The following FNIP2 variants were observed in gnomAD, a reference collection of about 807,000 sequenced individuals.
FNIP2 encodes the protein folliculin interacting protein 2.
In FNIP2, 32 loss-of-function variants were observed where a neutral mutation model predicts 108.7. The ratio of observed to expected loss-of-function variants is 0.29; its 90% CI spans 0.22 to 0.40. FNIP2 has a LOEUF of 0.40. FNIP2 is among the 10% of genes least tolerant of loss of function. The probability of loss-of-function intolerance (pLI) is 1.00; values close to 1 mark genes in which losing one functional copy is unlikely to be tolerated. For synonymous variants in FNIP2, 480 were observed against 496.7 expected (o/e 0.97, Z 0.45); for missense variants, 1,202 against 1,381.6 (o/e 0.87, Z 2.06).
chr4:158,785,399 A>G (rs1776192402), intron 1 of FNIP2, among the ~76,000 whole-genome samples: 1 of 152,112 alleles, frequency 6.6e-6, no homozygotes, highest in African/African-American at 2.4e-5. Context: ...CTTTTTTAAA[A>G]CATAAATTTG....
At chr4:158,897,432 G>A (rs985085485) in intron 16 of FNIP2, among the ~76,000 whole-genome samples, 1 of 152,204 alleles carries the variant, frequency 6.6e-6, no homozygotes, top group Non-Finnish European at 1.5e-5. Flanking sequence ...TTTCCACAGT[G>A]ATTGAACTAA....
chr4:158,868,935 C>A lies in FNIP2; in HGVS notation c.2299C>A (p.Pro767Thr), dbSNP rs1448915817. 2 of 1,613,928 alleles carry A rather than the reference C, an allele frequency of 1.2e-6. No homozygotes were observed. Among genetic ancestry groups the A allele is most frequent in the Admixed American group, 3.3e-5 (2 of 60,018 alleles). The change falls in exon 13 of 17, where the codon CCT becomes ACT. Residue 767 changes from proline (P) to threonine (T), a missense_variant. This residue lies in a region of FNIP2 where 878 missense variants were observed against 990.3 expected (regional missense o/e 0.89). Coordinates refer to ENST00000264433, the MANE Select transcript of FNIP2 (RefSeq NM_020840.3). The surrounding 1 kb of genome is among the most constrained non-coding windows in gnomAD (Gnocchi z 4.6). Reference protein sequence around the residue: ...VAQDPQVSRSPFKPGFQENVC... With the variant: ...VAQDPQVSRSTFKPGFQENVC... ...TCAGGACCCGCAGGTTTCTAGGAGC[C>A]CTTTTAAACCTGGCTTTCAGGAGAA...
At chr4:158,812,797 T>TC (rs1777351939) in intron 1 of FNIP2, among the ~76,000 whole-genome samples, 1 of 151,580 alleles carries the variant, frequency 6.6e-6, no homozygotes, top group African/African-American at 2.4e-5. Context: ...TGTTGTGTAT[T>TC]CTATAGGTTT....
At chr4:158,822,413 G>C (rs1295113736) in intron 1 of FNIP2, among the ~76,000 whole-genome samples, 2 of 152,066 alleles carry the variant, frequency 1.3e-5, no homozygotes, top group South Asian at 4.2e-4. Context: ...GGGCTCAAGC[G>C]ATCAGCCGGC....
intron 7 of FNIP2, among the ~76,000 whole-genome samples, chr4:158,845,734 A>G (rs1343418217): frequency 6.6e-6 from 1 of 152,252 alleles, no homozygotes; most frequent in Non-Finnish European, 1.5e-5. Flanking sequence ...AGTTGTTTTC[A>G]GGTTAAGGTT....
chr4:158,791,775 C>T (rs867078241), intron 1 of FNIP2, among the ~76,000 whole-genome samples: 10 of 152,274 alleles, frequency 6.6e-5, no homozygotes, highest in Non-Finnish European at 7.4e-5. Flanking sequence ...CCTGTGTGTT[C>T]TCTACATTCG....
intron 1 of FNIP2, among the ~76,000 whole-genome samples, chr4:158,820,028 G>A (rs1327615990): frequency 1.3e-5 from 2 of 152,182 alleles, no homozygotes; most frequent in Non-Finnish European, 2.9e-5. Context: ...CCAAGTAGTA[G>A]GCATACAGGA....
chr4:158,859,752 G>A, intron 10 of FNIP2, 86 bp downstream of exon 10: 2 of 1,133,094 alleles, frequency 1.8e-6, no homozygotes, highest in African/African-American at 1.5e-5. Context: ...GAAGAATTGG[G>A]GGCCTGGCAG....
At chr4:158,882,036 C>T (rs1267652342) in intron 14 of FNIP2, among the ~76,000 whole-genome samples, 2 of 151,566 alleles carry the variant, frequency 1.3e-5, no homozygotes, top group African/African-American at 4.9e-5. Flanking sequence ...TGCCCGGCCG[C>T]CCATTGTCTG....
chr4:158,855,520 T>C (rs1779936365), intron 8 of FNIP2, among the ~76,000 whole-genome samples: 1 of 152,218 alleles, frequency 6.6e-6, no homozygotes, highest in South Asian at 2.1e-4. Flanking sequence ...CAATCTCAGC[T>C]CACTGCAACC....
At chr4:158,815,564 A>G (rs571010218) in intron 1 of FNIP2, among the ~76,000 whole-genome samples, 93 of 151,616 alleles carry the variant, frequency 6.1e-4, no homozygotes, top group Non-Finnish European at 2.9e-4. Flanking sequence ...ACGGGGTTTC[A>G]CGTGTTAGCC....
At chr4:158,799,252 A>G (rs986419363) in intron 1 of FNIP2, among the ~76,000 whole-genome samples, 2 of 152,236 alleles carry the variant, frequency 1.3e-5, no homozygotes, top group Non-Finnish European at 2.9e-5. Flanking sequence ...GAAAGTTCCA[A>G]AGCATTAACA....
At chr4:158,821,535 G>T (rs971534163) in intron 1 of FNIP2, among the ~76,000 whole-genome samples, 2 of 152,218 alleles carry the variant, frequency 1.3e-5, no homozygotes, top group Non-Finnish European at 2.9e-5. Flanking sequence ...AATATGAAGA[G>T]AATATGTGTG....
chr4:158,779,772 G>A (rs1422313914), intron 1 of FNIP2, among the ~76,000 whole-genome samples: 4 of 150,732 alleles, frequency 2.7e-5, no homozygotes, highest in African/African-American at 9.8e-5. Context: ...GGGAGCGGGG[G>A]TGGTCTCACT....
chr4:158,903,609 C>T (rs1729553747), intron 16 of FNIP2, among the ~76,000 whole-genome samples: 1 of 152,084 alleles, frequency 6.6e-6, no homozygotes, highest in African/African-American at 2.4e-5. Flanking sequence ...TTCCTTTATC[C>T]CCTTCCTCCC....
chr4:158,786,979 CT>C (rs539962659), intron 1 of FNIP2, among the ~76,000 whole-genome samples: 105 of 144,866 alleles, frequency 7.2e-4, no homozygotes, highest in Admixed American at 7.6e-4. Context: ...GGGGTCTCAG[CT>C]TTTTTTTTTT....
intron 16 of FNIP2, among the ~76,000 whole-genome samples, chr4:158,903,823 C>G (rs1286898533): frequency 1.3e-5 from 2 of 151,710 alleles, no homozygotes; most frequent in African/African-American, 4.8e-5. Flanking sequence ...TTTTTCATGA[C>G]ACCTGGCATC....
At chr4:158,825,108 A>C (rs945023840) in intron 1 of FNIP2, among the ~76,000 whole-genome samples, 5 of 152,258 alleles carry the variant, frequency 3.3e-5, no homozygotes, top group African/African-American at 1.2e-4. Context: ...CTCTAGCAGC[A>C]ACCACAGTGC....
rs1219744714 is a variant in FNIP2, at chr4:158,904,724, T to C, written c.*180T>C. On this transcript the variant is annotated 3_prime_UTR_variant, in exon 17 of 17. Transcript: ENST00000264433. ...TGCTTCATTGAAGACTTAGGTTTACTTGACATAATAGCATTTGTGATTGTC... is the reference window on the plus strand; with the variant it reads ...TGCTTCATTGAAGACTTAGGTTTACCTGACATAATAGCATTTGTGATTGTC... The C allele has an allele frequency of 3.4e-6, 2 of 592,786 alleles. No homozygotes were observed. Among genetic ancestry groups the C allele is most frequent in the East Asian group, 2.8e-5 (1 of 35,174 alleles). The allele number at this position is 592,786 out of a possible 1,614,324, so 36.7% of individuals were successfully genotyped here. A position where few individuals can be genotyped will look rare whatever the true frequency, so the allele number is the denominator to read the frequency against.
Sources: gnomAD v4.1 joint callset for allele counts (sites outside exome capture counted in the v4.1 genomes callset) on GRCh38, gnomAD v4.1.1 for gene constraint, gnomAD v4.1.1 regional missense constraint, Gnocchi (gnomAD v3.1) non-coding constraint, MANE v1.5 for transcripts, NCBI Gene and HGNC (gene_info 2026-07-23, HGNC 2026-07-21) for gene names.